Variants in SORCS1 observed in about 807,000 individuals in gnomAD.
The protein encoded by SORCS1 is VPS10 domain-containing receptor SorCS1.
Under a neutral mutation model 146.1 loss-of-function variants are expected in SORCS1, and 60 were observed. The observed-to-expected ratio is 0.41, with a 90% CI of 0.33 to 0.51. SORCS1 has a LOEUF of 0.51. Ranked by LOEUF, SORCS1 falls within the 20% of genes least tolerant of loss-of-function variation. The probability of loss-of-function intolerance (pLI) is 0.21; values close to 1 mark genes in which losing one functional copy is unlikely to be tolerated. For synonymous variants in SORCS1, 637 were observed against 584.0 expected (o/e 1.09, Z -1.31); for missense variants, 1,352 against 1,487.6 (o/e 0.91, Z 1.50).
chr10:106,911,588 C>A (rs936147646), intron 2 of SORCS1, among the ~76,000 whole-genome samples: 4 of 152,166 alleles, frequency 2.6e-5, no homozygotes, highest in African/African-American at 9.7e-5. Context: ...ACTGACCCCA[C>A]TAAATACTGT....
At chr10:106,959,539 A>C (rs1470246539) in intron 1 of SORCS1, among the ~76,000 whole-genome samples, 1 of 152,200 alleles carries the variant, frequency 6.6e-6, no homozygotes, top group Non-Finnish European at 1.5e-5. Flanking sequence ...GTTTCTGTTA[A>C]GGGATCCAGA....
intron 2 of SORCS1, among the ~76,000 whole-genome samples, chr10:106,913,792 T>C (rs1305025485): frequency 6.6e-6 from 1 of 152,146 alleles, no homozygotes; most frequent in Non-Finnish European, 1.5e-5. Context: ...GCCACTCAAA[T>C]CTCACTCAGC....
chr10:106,868,937 C>T (rs775609937), intron 2 of SORCS1, among the ~76,000 whole-genome samples: 4 of 151,914 alleles, frequency 2.6e-5, no homozygotes, highest in Non-Finnish European at 5.9e-5. Flanking sequence ...GACAGACATG[C>T]CACTAGCTCG....
At chr10:106,973,705 T>C (rs1053792681) in intron 1 of SORCS1, among the ~76,000 whole-genome samples, 1 of 152,234 alleles carries the variant, frequency 6.6e-6, no homozygotes. Context: ...CCAAGATTAA[T>C]GTGGCAAAAA....
At chr10:106,861,814 G>T (rs529410970) in intron 2 of SORCS1, among the ~76,000 whole-genome samples, 1 of 151,952 alleles carries the variant, frequency 6.6e-6, no homozygotes, top group Non-Finnish European at 1.5e-5. Context: ...ACTTGAACCT[G>T]GGAGGCAGAG....
chr10:106,664,671 T>A (rs1042630948), intron 17 of SORCS1, among the ~76,000 whole-genome samples: 2 of 152,000 alleles, frequency 1.3e-5, no homozygotes, highest in African/African-American at 2.4e-5. Context: ...AAGATCTCAA[T>A]GAACTGAAGA....
intron 2 of SORCS1, among the ~76,000 whole-genome samples, chr10:106,929,007 G>C (rs1342907425): frequency 6.6e-6 from 1 of 151,500 alleles, no homozygotes; most frequent in Non-Finnish European, 1.5e-5. Context: ...GCAGTTACAT[G>C]CAATTAAAGC....
At chr10:106,956,378 A>C (rs572957926) in intron 2 of SORCS1, 135 bp downstream of exon 2, 1 of 733,316 alleles carries the variant, frequency 1.4e-6, no homozygotes, top group Admixed American at 2.6e-5. Flanking sequence ...CACTAAAGGA[A>C]ACAGAGAAGA....
chr10:106,979,685 T>C (rs1956172843), intron 1 of SORCS1, among the ~76,000 whole-genome samples: 2 of 152,296 alleles, frequency 1.3e-5, no homozygotes, highest in South Asian at 4.1e-4. Flanking sequence ...GCTTGAAGGA[T>C]ATGGGCTCTC....
At position 106,978,671 on chromosome 10, in the gene SORCS1, A is replaced by T. The variant is rs201610109; in HGVS notation, c.559-22091T>A. 7.9e-5 allele frequency among the ~76,000 whole-genome samples: 12 copies of T among 151,800 alleles called. No homozygotes were observed. In the East Asian group the frequency reaches 2.3e-3, roughly 30 times the overall value. On this transcript the variant is annotated intron_variant, in intron 1 of 25. Transcript: ENST00000263054. ...AAATTAGCCAGGTGTGGTGGCGTGC[A>T]CCCGTAATCCCAGCTACTCAGGAGG...
chr10:107,133,829 C>G (rs1967051482), intron 1 of SORCS1, among the ~76,000 whole-genome samples: 1 of 152,214 alleles, frequency 6.6e-6, no homozygotes, highest in Non-Finnish European at 1.5e-5. Context: ...GGAAGTCCAA[C>G]AGATCCCCAG....
Position 106,699,178 on chromosome 10 carries a change from G to T in SORCS1, c.1413+36C>A, listed in dbSNP as rs142468237. 75 of 1,555,606 alleles carry T rather than the reference G, an allele frequency of 4.8e-5. No individual in the cohort carries two copies. In the African/African-American group the frequency reaches 1.0e-3, roughly 21 times the overall value. On this transcript the variant is annotated intron_variant, in intron 9 of 25. Transcript: ENST00000263054. The stretch of plus-strand genomic sequence containing the variant: ...GGCTTCCATCAGCCAGCTGGGCACT[G>T]CTGTGGCTTAGGACCACATATGCCT...
rs67408221 is a variant in SORCS1, at chr10:106,994,063, C to CAAA, written c.559-37486_559-37484dup. Among the ~76,000 whole-genome samples the CAAA allele has an allele frequency of 1.0e-3, 83 of 80,684 alleles. 1 individual carries two copies. Among genetic ancestry groups the CAAA allele is most frequent in the East Asian group, 2.2e-3 (5 of 2,268 alleles). 52.9% of individuals were successfully genotyped at this position (80,684 alleles called of 152,430 possible). ...TGGGTGACAGAGCAAGACCCCATCT[C>CAAA]AAAAAAAAAAAAAAAAAAAAAAAAG... On this transcript the variant is annotated intron_variant, in intron 1 of 25. Transcript: ENST00000263054.
At chr10:106,794,100 C>T (rs950964179) in intron 3 of SORCS1, among the ~76,000 whole-genome samples, 2 of 152,140 alleles carry the variant, frequency 1.3e-5, no homozygotes, top group African/African-American at 4.8e-5. Context: ...GACCAGCACC[C>T]GAGTTCTATT....
upstream of SORCS1, among the ~76,000 whole-genome samples, chr10:107,166,726 C>G (rs1278576878): frequency 6.6e-6 from 1 of 152,208 alleles, no homozygotes; most frequent in African/African-American, 2.4e-5. Flanking sequence ...CCCTGCTAAC[C>G]TCCTTTCCAG....
chr10:106,819,360 G>A (rs989806592), intron 3 of SORCS1, among the ~76,000 whole-genome samples: 1 of 152,156 alleles, frequency 6.6e-6, no homozygotes, highest in Non-Finnish European at 1.5e-5. Flanking sequence ...AGGCCAGGTC[G>A]CCTGGCTCCA....
intron 4 of SORCS1, among the ~76,000 whole-genome samples, chr10:106,771,810 G>C (rs1467280089): frequency 6.6e-6 from 1 of 152,096 alleles, no homozygotes; most frequent in African/African-American, 2.4e-5. Flanking sequence ...CCTCACATAG[G>C]CCCTTCAGAG....
intron 1 of SORCS1, among the ~76,000 whole-genome samples, chr10:107,128,762 A>C (rs1966840552): frequency 6.6e-6 from 1 of 152,106 alleles, no homozygotes; most frequent in African/African-American, 2.4e-5. Context: ...TTGCTTCATA[A>C]TGCTGATGCG....
chr10:107,103,620 A>G (rs1965100853), intron 1 of SORCS1, among the ~76,000 whole-genome samples: 1 of 152,204 alleles, frequency 6.6e-6, no homozygotes, highest in South Asian at 2.1e-4. Context: ...GAAATTTATC[A>G]TCGGAGTTGT....
Sources: allele counts gnomAD v4.1 joint callset (sites outside exome capture counted in the v4.1 genomes callset), GRCh38; gene constraint gnomAD v4.1.1; transcripts MANE v1.5; gene names NCBI Gene and HGNC (gene_info 2026-07-23, HGNC 2026-07-21).